PDE3A: variants seen among roughly 807,000 people sequenced by gnomAD.
The protein encoded by PDE3A is phosphodiesterase 3A, also known as cGMP-inhibited 3',5'-cyclic phosphodiesterase 3A.
PDE3A carries 43 observed loss-of-function variants against 98.3 expected under a neutral mutation model. The ratio of observed to expected loss-of-function variants is 0.44; its 90% confidence interval spans 0.34 to 0.56. The LOEUF is 0.56. Ranked by LOEUF, PDE3A falls within the 20% of genes least tolerant of loss-of-function variation. The probability of loss-of-function intolerance (pLI) is 0.01; values close to 1 mark genes in which losing one functional copy is unlikely to be tolerated. For synonymous variants in PDE3A, 663 were observed against 567.9 expected (o/e 1.17, Z -2.38); for missense variants, 1,427 against 1,440.7 (o/e 0.99, Z 0.15).
At chr12:20,383,381 C>G (rs1358881743) in intron 1 of PDE3A, among the ~76,000 whole-genome samples, 1 of 151,918 alleles carries the variant, frequency 6.6e-6, no homozygotes, top group Non-Finnish European at 1.5e-5. Flanking sequence ...ATGACAGGGA[C>G]TTTCTGCTTA....
chr12:20,656,084 C>T (rs1592152729), intron 15 of PDE3A, among the ~76,000 whole-genome samples: 1 of 152,236 alleles, frequency 6.6e-6, no homozygotes, highest in East Asian at 1.9e-4. Context: ...AATCCATGAC[C>T]CTTGCAATGA....
chr12:20,654,270 T>G, intron 15 of PDE3A, 65 bp downstream of exon 15: 1 of 1,463,982 alleles, frequency 6.8e-7, no homozygotes, highest in South Asian at 1.2e-5. Flanking sequence ...TAGATGAATT[T>G]TATGCTTCTT....
In PDE3A at chr12:20,425,898, A is replaced by G. The variant is rs556712811; in HGVS notation, c.960+55654A>G. On this transcript the variant is annotated intron_variant, in intron 1 of 15. Transcript: ENST00000359062. The stretch of plus-strand genomic sequence containing the variant: ...TCTTACAGGTTGTGTGATTTGTGGT[A>G]AGTTACTTAAATTGTCTGTGCTTCA... Among the ~76,000 whole-genome samples, 19 of 152,262 alleles carry G rather than the reference A, an allele frequency of 1.2e-4. No homozygotes were observed. In the South Asian group the frequency reaches 3.9e-3, roughly 32 times the overall value.
chr12:20,548,978 T>C (rs537828182), intron 1 of PDE3A, among the ~76,000 whole-genome samples: 1 of 152,274 alleles, frequency 6.6e-6, no homozygotes, highest in South Asian at 2.1e-4. Context: ...TTTTTTTATT[T>C]GTTGTAATCA....
chr12:20,653,826 C>A, intron 14 of PDE3A, 121 bp from the exon 15 acceptor site: 1 of 1,017,838 alleles, frequency 9.8e-7, no homozygotes, highest in Non-Finnish European at 1.5e-6. Flanking sequence ...AACCTTAGCA[C>A]TTGAGGTAGG....
chr12:20,602,525 C>T (rs1450601836), intron 2 of PDE3A, among the ~76,000 whole-genome samples: 1 of 152,130 alleles, frequency 6.6e-6, no homozygotes, highest in Non-Finnish European at 1.5e-5. Flanking sequence ...TATTCCATCT[C>T]ATTTGGTGAC....
intron 1 of PDE3A, among the ~76,000 whole-genome samples, chr12:20,438,884 C>T (rs1944821891): frequency 6.6e-6 from 1 of 151,950 alleles, no homozygotes; most frequent in South Asian, 2.1e-4. Flanking sequence ...CTCCACCTCC[C>T]AGGTTAAAGC....
intron 1 of PDE3A, among the ~76,000 whole-genome samples, chr12:20,413,187 G>GA (rs1230030927): frequency 1.3e-5 from 2 of 152,204 alleles, no homozygotes. Flanking sequence ...TGGGACCAGT[G>GA]AAAACCTTTG....
In PDE3A at chr12:20,635,036, C is replaced by T; in HGVS notation, c.1981C>T (p.Pro661Ser). 6.2e-7 allele frequency: 1 copy of T among 1,612,824 alleles called. No homozygotes were observed. Among genetic ancestry groups the T allele is most frequent in the Non-Finnish European group, 8.5e-7 (1 of 1,179,520 alleles). ...AGCATCGGCTTGCAGCACCTATGCTCCTGAGACCATGATGTTTCTGGTAGT... is the reference window on the plus strand; with the variant it reads ...AGCATCGGCTTGCAGCACCTATGCTTCTGAGACCATGATGTTTCTGGTAGT... ...RKASACSTYAPETMMFLDKPI... is the reference protein window; with the variant it reads ...RKASACSTYASETMMFLDKPI... The change falls in exon 8 of 16, where the codon CCT (proline) becomes TCT (serine). Residue 661 changes from proline to serine, a missense_variant. Transcript: ENST00000359062.
chr12:20,634,999 G>C lies in PDE3A; in HGVS notation c.1944G>C (p.Glu648Asp). 6.2e-7 allele frequency: 1 copy of C among 1,612,844 alleles called. No individual in the cohort carries two copies. Among genetic ancestry groups the C allele is most frequent in the Non-Finnish European group, 8.5e-7 (1 of 1,178,862 alleles). ...AAGATGAAACAGAGTGCCTGAGAGA[G>C]CCTCTGAGGAAAGCATCGGCTTGCA... is the stretch of plus-strand genomic sequence containing the variant. The part of the protein sequence containing the change: ...QNEDETECLR[E>D]PLRKASACST... Residue 648 changes from glutamate to aspartate, a missense_variant, in exon 8 of 16, where the codon GAG becomes GAC. Around this residue, in one of 3 missense-constraint regions of PDE3A, gnomAD observed 1,012 missense variants for 886.5 expected, o/e 1.14. Transcript: ENST00000359062.
At chr12:20,623,450 A>G in intron 5 of PDE3A, among the ~76,000 whole-genome samples, 1 of 152,164 alleles carries the variant, frequency 6.6e-6, no homozygotes, top group East Asian at 1.9e-4. Context: ...CTGAGAGCAG[A>G]GTTGTCAGAA....
At chr12:20,484,900 G>T (rs1157482574) in intron 1 of PDE3A, among the ~76,000 whole-genome samples, 2 of 152,228 alleles carry the variant, frequency 1.3e-5, no homozygotes, top group Admixed American at 1.3e-4. Context: ...GGTGTGGTTT[G>T]TGTGTTGATG....
intron 1 of PDE3A, among the ~76,000 whole-genome samples, chr12:20,447,105 G>A (rs909433826): frequency 6.6e-6 from 1 of 152,156 alleles, no homozygotes; most frequent in Non-Finnish European, 1.5e-5. Flanking sequence ...CTCTTCAGAA[G>A]AGAAACTGGA....
chr12:20,512,956 C>T (rs1946254798), intron 1 of PDE3A, among the ~76,000 whole-genome samples: 1 of 152,088 alleles, frequency 6.6e-6, no homozygotes, highest in South Asian at 2.1e-4. Flanking sequence ...CTTATCCATT[C>T]TTCGTACTCT....
Position 20,369,335 on chromosome 12 carries a change from T to A in PDE3A, c.51T>A (p.Ser17Arg). The A allele has an allele frequency of 6.5e-7, 1 of 1,547,904 alleles. No individual in the cohort carries two copies. The highest frequency in any genetic ancestry group is 1.2e-5 in the South Asian group (1 of 83,856). ...AARVRDKPVH[S>R]GVSQAPTAGR... ...GAGTCAGGGACAAGCCCGTCCACAG[T>A]GGGGTGAGTCAAGCCCCCACGGCGG... Residue 17 changes from serine (S) to arginine (R), a missense_variant, in exon 1 of 16, where the codon AGT becomes AGA. Ser to Arg is a moderately radical substitution (Grantham distance 110). This residue lies in a region of PDE3A where 1,012 missense variants were observed against 886.5 expected (regional missense o/e 1.14). Transcript: ENST00000359062.
At chr12:20,435,989 T>C (rs968257309) in intron 1 of PDE3A, among the ~76,000 whole-genome samples, 1 of 152,110 alleles carries the variant, frequency 6.6e-6, no homozygotes, top group Non-Finnish European at 1.5e-5. Context: ...GGAGGGGTTT[T>C]TCTGGTGTCC....
intron 1 of PDE3A, among the ~76,000 whole-genome samples, chr12:20,454,887 G>T (rs184708149): frequency 6.6e-6 from 1 of 152,236 alleles, no homozygotes; most frequent in Admixed American, 6.5e-5. Flanking sequence ...GGGCATTTAG[G>T]TTGATTCCAT....
intron 1 of PDE3A, among the ~76,000 whole-genome samples, chr12:20,373,601 C>G (rs1943518486): frequency 6.6e-6 from 1 of 152,062 alleles, no homozygotes; most frequent in South Asian, 2.1e-4. Flanking sequence ...AGATTTCAAA[C>G]CAATGCAATT....
intron 1 of PDE3A, among the ~76,000 whole-genome samples, chr12:20,516,344 G>A (rs929497918): frequency 6.6e-6 from 1 of 152,100 alleles, no homozygotes; most frequent in African/African-American, 2.4e-5. Flanking sequence ...TAATAGAGTG[G>A]CACTTAAAAT....
Sources: allele counts gnomAD v4.1 joint callset (sites outside exome capture counted in the v4.1 genomes callset), GRCh38; gene constraint gnomAD v4.1.1; regional missense constraint gnomAD v4.1.1; transcripts MANE v1.5; gene names NCBI Gene and HGNC (gene_info 2026-07-23, HGNC 2026-07-21).